The following TSPAN5 variants were observed in gnomAD, a reference collection of about 807,000 sequenced individuals.
TSPAN5 encodes tetraspanin 5, also known as tetraspanin-5.
In TSPAN5, 10 loss-of-function variants were observed where a neutral mutation model predicts 37.1. The observed-to-expected ratio is 0.27, with a 90% CI of 0.17 to 0.46. The LOEUF (loss-of-function observed/expected upper bound fraction) is 0.46, where lower values mean the gene tolerates loss of function less well. Among genes scored for constraint, TSPAN5 ranks in the 20% least tolerant of loss-of-function variants. The pLI, the probability that TSPAN5 is intolerant of heterozygous loss-of-function variation, is 1.00. For synonymous variants in TSPAN5, 110 were observed against 118.9 expected (o/e 0.93, Z 0.48); for missense variants, 195 against 326.6 (o/e 0.60, Z 3.11).
Position 98,626,091 on chromosome 4 carries a change from G to A in TSPAN5, c.81+32055C>T, listed in dbSNP as rs536490607. Among the ~76,000 whole-genome samples, 3 of 152,074 alleles carry A rather than the reference G, an allele frequency of 2.0e-5. No homozygotes were observed. In the East Asian group the frequency reaches 5.8e-4, roughly 29 times the overall value. ...GGACCATCCACATGAGAATCACCTG[G>A]GGCTGGCTGTTGACAACACAGGTGA... On this transcript the variant is annotated intron_variant, in intron 1 of 7. Coordinates refer to ENST00000305798, the MANE Select transcript of TSPAN5 (RefSeq NM_005723.4).
chr4:98,510,244 G>A (rs1753574889), intron 1 of TSPAN5, among the ~76,000 whole-genome samples: 1 of 152,172 alleles, frequency 6.6e-6, no homozygotes, highest in Non-Finnish European at 1.5e-5. Flanking sequence ...AAGCAGAGGA[G>A]CAGAGACTTG....
At chr4:98,607,772 G>A (rs1021414750) in intron 1 of TSPAN5, among the ~76,000 whole-genome samples, 1 of 150,776 alleles carries the variant, frequency 6.6e-6, no homozygotes, top group Admixed American at 6.6e-5. Context: ...GTGCAATGGC[G>A]CCATCTCAGC....
chr4:98,598,038 C>G lies in TSPAN5; in HGVS notation c.81+60108G>C, dbSNP rs1188895591. Among the ~76,000 whole-genome samples, 56 of 86,986 alleles carry G rather than the reference C, an allele frequency of 6.4e-4. 2 individuals carry two copies. The highest frequency in any genetic ancestry group is 5.0e-3 in the Middle Eastern group (1 of 200). The allele number at this position is 86,986 out of a possible 152,430, so 57.1% of individuals were successfully genotyped here. A position where few individuals can be genotyped will look rare whatever the true frequency, so the allele number is the denominator to read the frequency against. On this transcript the variant is annotated intron_variant, in intron 1 of 7. Coordinates refer to ENST00000305798, the MANE Select transcript of TSPAN5 (RefSeq NM_005723.4). ...ATGGCGGGCGCCCCTCCCCCAGCCTCGTTGCCGCCTTGCAGTTTGATCTCA... is the reference window on the plus strand; with the variant it reads ...ATGGCGGGCGCCCCTCCCCCAGCCTGGTTGCCGCCTTGCAGTTTGATCTCA...
At chr4:98,624,690 A>C (rs1235340695) in intron 1 of TSPAN5, among the ~76,000 whole-genome samples, 1 of 152,244 alleles carries the variant, frequency 6.6e-6, no homozygotes, top group Admixed American at 6.5e-5. Flanking sequence ...TGACGATAGT[A>C]CTTGGAGAAC....
At chr4:98,602,684 A>G (rs1755908774) in intron 1 of TSPAN5, among the ~76,000 whole-genome samples, 1 of 152,074 alleles carries the variant, frequency 6.6e-6, no homozygotes, top group Non-Finnish European at 1.5e-5. Context: ...CCTACAATCA[A>G]CGCTTTTGCC....
At chr4:98,585,461 C>T (rs969189266) in intron 1 of TSPAN5, among the ~76,000 whole-genome samples, 12 of 152,092 alleles carry the variant, frequency 7.9e-5, no homozygotes, top group African/African-American at 1.9e-4. Flanking sequence ...AGGCATGCAC[C>T]GCCACACCTG....
intron 1 of TSPAN5, among the ~76,000 whole-genome samples, chr4:98,653,515 C>G (rs114445151): frequency 0.016 from 2,396 of 152,240 alleles, 71 homozygotes; most frequent in African/African-American, 0.054. Flanking sequence ...TCTTTCCTAA[C>G]AAGTCACTAT....
chr4:98,544,361 T>A (rs188901572), intron 1 of TSPAN5, among the ~76,000 whole-genome samples: 4 of 152,312 alleles, frequency 2.6e-5, no homozygotes, highest in Admixed American at 2.6e-4. Flanking sequence ...CTGGAGTCCC[T>A]ACTGCAACCA....
intron 1 of TSPAN5, among the ~76,000 whole-genome samples, chr4:98,571,174 GC>G (rs1297860210): frequency 6.6e-6 from 1 of 152,112 alleles, no homozygotes; most frequent in Non-Finnish European, 1.5e-5. Flanking sequence ...ATGGAGATGG[GC>G]TGGCCACTAG....
At chr4:98,554,018 G>A (rs1364976931) in intron 1 of TSPAN5, among the ~76,000 whole-genome samples, 1 of 151,742 alleles carries the variant, frequency 6.6e-6, no homozygotes, top group Non-Finnish European at 1.5e-5. Context: ...AGTGAGCCGA[G>A]ATCATGCCAT....
intron 1 of TSPAN5, among the ~76,000 whole-genome samples, chr4:98,525,434 A>G (rs1753940332): frequency 6.6e-6 from 1 of 152,080 alleles, no homozygotes; most frequent in South Asian, 2.1e-4. Context: ...TGTCTGAGTG[A>G]GTGTGGATGT....
At chr4:98,478,650 C>T in intron 5 of TSPAN5, 35 bp downstream of exon 5, 1 of 1,613,856 alleles carries the variant, frequency 6.2e-7, no homozygotes, top group South Asian at 1.1e-5. Context: ...GCATGATGTA[C>T]AGAGTAGGCC....
chr4:98,507,778 TA>T, intron 1 of TSPAN5, 50 bp from the exon 2 acceptor site: 2 of 1,378,728 alleles, frequency 1.5e-6, no homozygotes, highest in Non-Finnish European at 2.0e-6. Context: ...GCCGCTAATA[TA>T]AAGAAGAAAC....
intron 1 of TSPAN5, among the ~76,000 whole-genome samples, chr4:98,657,207 A>G (rs976828705): frequency 1.3e-5 from 2 of 152,146 alleles, no homozygotes; most frequent in African/African-American, 4.8e-5. Context: ...AAAAGAATCA[A>G]AACAAACAAA....
intron 1 of TSPAN5, among the ~76,000 whole-genome samples, chr4:98,634,273 G>A (rs898597000): frequency 2.0e-5 from 3 of 152,062 alleles, no homozygotes; most frequent in Non-Finnish European, 4.4e-5. Flanking sequence ...GGAGTGGCAG[G>A]GCTCTTCCAT....
intron 1 of TSPAN5, among the ~76,000 whole-genome samples, chr4:98,577,615 C>T (rs1463129982): frequency 6.6e-6 from 1 of 152,170 alleles, no homozygotes; most frequent in Non-Finnish European, 1.5e-5. Flanking sequence ...AAAGTGTCAG[C>T]AAGTAGAAAG....
intron 2 of TSPAN5, chr4:98,500,298 G>A (rs1286854870): frequency 6.6e-6 from 1 of 152,124 alleles, no homozygotes. Flanking sequence ...ATTGTGACAG[G>A]AAGAACTGGA....
intron 1 of TSPAN5, among the ~76,000 whole-genome samples, chr4:98,569,790 T>C (rs1292803090): frequency 1.3e-5 from 2 of 152,240 alleles, no homozygotes; most frequent in African/African-American, 2.4e-5. Context: ...ATCAAAACTA[T>C]ACTCAGTCCA....
intron 1 of TSPAN5, among the ~76,000 whole-genome samples, chr4:98,542,047 A>G (rs1008523207): frequency 8.5e-5 from 13 of 152,192 alleles, no homozygotes; most frequent in Admixed American, 7.2e-4. Context: ...GCTGGCAGCT[A>G]GTAGGCCACT....
Sources: gnomAD v4.1 joint callset for allele counts (sites outside exome capture counted in the v4.1 genomes callset) on GRCh38, gnomAD v4.1.1 for gene constraint, MANE v1.5 for transcripts, NCBI Gene and HGNC (gene_info 2026-07-23, HGNC 2026-07-21) for gene names.